The following MCM6 variants were observed in gnomAD, a reference collection of about 807,000 sequenced individuals.
MCM6 encodes the protein minichromosome maintenance complex component 6.
In MCM6, 46 loss-of-function variants were observed where a neutral mutation model predicts 94.3. The observed-to-expected ratio is 0.49, with a 90% CI of 0.39 to 0.62. The LOEUF is 0.62. MCM6 is among the 20% of genes least tolerant of loss of function. The pLI is 0.00. For missense variants in MCM6, 865 were observed against 1,017.9 expected, an observed-to-expected ratio of 0.85 and a Z score of 2.04; for synonymous variants, 335 against 351.9, an observed-to-expected ratio of 0.95 and a Z score of 0.54.
rs780361153 is a variant in MCM6, at chr2:135,866,735, T to C, written c.616-7A>G. 1 of 1,590,290 alleles carries C rather than the reference T, an allele frequency of 6.3e-7. No homozygotes were observed. The highest frequency in any genetic ancestry group is 1.2e-5 in the South Asian group (1 of 86,870). On this transcript the variant is annotated splice_polypyrimidine_tract_variant and splice_region_variant and intron_variant, in intron 4 of 16. Transcript: ENST00000264156. Reference sequence around the variant, plus strand: ...GGGTCTCTTGAATACGAACCTGTAATACAGACAAACAACCAACCAAGAATG... The same window carrying C: ...GGGTCTCTTGAATACGAACCTGTAACACAGACAAACAACCAACCAAGAATG...
intron 15 of MCM6, among the ~76,000 whole-genome samples, chr2:135,845,933 T>A (rs1028457632): frequency 6.6e-6 from 1 of 152,234 alleles, no homozygotes; most frequent in Admixed American, 6.5e-5. Context: ...ATAGTAATTT[T>A]GCATTTGTAA....
Position 135,876,417 on chromosome 2 carries a change from G to C in MCM6, c.-52C>G, listed in dbSNP as rs755878298. ...GCGCCACGCTCGACCGCCACAAGTC[G>C]CTTTTTTCCAGACGCTGCAGCTTTG... On this transcript the variant is annotated 5_prime_UTR_variant, in exon 1 of 17. Transcript: ENST00000264156. The C allele has an allele frequency of 6.7e-7, 1 of 1,486,276 alleles. No individual in the cohort carries two copies. The highest frequency in any genetic ancestry group is 9.1e-7 in the Non-Finnish European group (1 of 1,104,156). 92.1% of individuals were successfully genotyped at this position (1,486,276 alleles called of 1,614,324 possible). A position where few individuals can be genotyped will look rare whatever the true frequency, so the allele number is the denominator to read the frequency against.
In MCM6 at chr2:135,872,723, G is replaced by A. The variant is rs1206810732; in HGVS notation, c.228C>T (p.Ser76=). 1.9e-6 allele frequency: 3 copies of A among 1,614,016 alleles called. No individual in the cohort carries two copies. The highest frequency in any genetic ancestry group is 1.3e-5 in the African/African-American group (1 of 74,900). ...TATAGAACTCCTCTTGAATGGTGGTGGAAAGTTGCTGGTTAAATTGTTCCA... is the reference window on the plus strand; with the variant it reads ...TATAGAACTCCTCTTGAATGGTGGTAGAAAGTTGCTGGTTAAATTGTTCCA... ...VDLEQFNQQL[S]TTIQEEFYRV... The change falls in exon 2 of 17, where the codon TCC becomes TCT. Residue 76 remains serine, a synonymous_variant. Transcript: ENST00000264156.
At chr2:135,866,365 C>T (rs766411680) in intron 5 of MCM6, 88 bp from the exon 6 acceptor site, 2 of 1,510,694 alleles carry the variant, frequency 1.3e-6, no homozygotes, top group Non-Finnish European at 9.1e-7. Flanking sequence ...GCTATAAATC[C>T]AAAGACTTCA....
intron 1 of MCM6, among the ~76,000 whole-genome samples, chr2:135,875,908 C>G (rs1286070325): frequency 6.6e-6 from 1 of 152,270 alleles, no homozygotes; most frequent in Non-Finnish European, 1.5e-5. Context: ...TGGCCGCACC[C>G]AGCGGCCCAG....
rs768367743 is a variant in MCM6, at chr2:135,868,734, C to T, written c.492G>A (p.Val164=). 6.2e-7 allele frequency: 1 copy of T among 1,614,196 alleles called. No homozygotes were observed. The stretch of plus-strand genomic sequence containing the variant: ...TGAACTGCTGTTCTACATCCCTGAT[C>T]ACTGTCTGACAGTCCAAGCACAGAA... ...GTFLCLDCQT[V]IRDVEQQFKY... The change falls in exon 4 of 17, where the codon GTG becomes GTA. Residue 164 remains valine (V), a synonymous_variant. Transcript: ENST00000264156.
intron 10 of MCM6, 134 bp from the exon 11 acceptor site, chr2:135,857,017 G>A (rs942205491): frequency 1.4e-6 from 1 of 731,196 alleles, no homozygotes; most frequent in Non-Finnish European, 2.2e-6. Context: ...CACATAAACA[G>A]GAACTCCTAT....
At chr2:135,857,294 A>G (rs1679909487) in intron 10 of MCM6, among the ~76,000 whole-genome samples, 3 of 152,234 alleles carry the variant, frequency 2.0e-5, no homozygotes, top group African/African-American at 7.2e-5. Context: ...AAAATTATGA[A>G]GTTAAACCAG....
At position 135,840,634 on chromosome 2, in the gene MCM6, G is replaced by T. The variant is rs1679551235; in HGVS notation, c.*201C>A. The T allele has an allele frequency of 5.6e-6, 3 of 535,218 alleles. No individual in the cohort carries two copies. Among genetic ancestry groups the T allele is most frequent in the Non-Finnish European group, 6.7e-6 (2 of 298,442 alleles). 33.2% of individuals were successfully genotyped at this position (535,218 alleles called of 1,614,324 possible). On this transcript the variant is annotated 3_prime_UTR_variant, in exon 17 of 17. Coordinates refer to ENST00000264156, the MANE Select transcript of MCM6 (RefSeq NM_005915.6). ...CACTGGGACAGGAAACACACCAAAG[G>T]AAGTGCTGAAGCCTGTGTTGGTATG...
At position 135,846,222 on chromosome 2, in the gene MCM6, C is replaced by G; in HGVS notation, c.2209+15G>C. ...GAAGTGACCGAGCATGTAAGCAGTACCAGGTAAGCCTCACCTTCTTCCACC... is the reference window on the plus strand; with the variant it reads ...GAAGTGACCGAGCATGTAAGCAGTAGCAGGTAAGCCTCACCTTCTTCCACC... On this transcript the variant is annotated intron_variant, in intron 15 of 16. Coordinates refer to ENST00000264156, the MANE Select transcript of MCM6 (RefSeq NM_005915.6). 1 of 1,613,138 alleles carries G rather than the reference C, an allele frequency of 6.2e-7. No homozygotes were observed. Among genetic ancestry groups the G allele is most frequent in the Non-Finnish European group, 8.5e-7 (1 of 1,179,574 alleles).
At chr2:135,862,363 T>TAAA (rs1220530608) in intron 8 of MCM6, among the ~76,000 whole-genome samples, 1 of 144,460 alleles carries the variant, frequency 6.9e-6, no homozygotes, top group South Asian at 2.2e-4. Flanking sequence ...TATACAAATA[T>TAAA]ATTTTACAAA....
At chr2:135,866,507 T>C (rs1680097197) in intron 5 of MCM6, 56 bp downstream of exon 5, 1 of 1,544,156 alleles carries the variant, frequency 6.5e-7, no homozygotes, top group Non-Finnish European at 8.8e-7. Flanking sequence ...GGAAGCTAGA[T>C]ACTGTGCAGT....
At chr2:135,863,832 C>T (rs565907978) in intron 7 of MCM6, among the ~76,000 whole-genome samples, 7 of 152,128 alleles carry the variant, frequency 4.6e-5, no homozygotes, top group African/African-American at 9.6e-5. Context: ...AAAAAAGGGC[C>T]GGATGCAGTG....
chr2:135,847,421 T>C (rs1258244031), intron 14 of MCM6, among the ~76,000 whole-genome samples: 1 of 152,120 alleles, frequency 6.6e-6, no homozygotes, highest in Non-Finnish European at 1.5e-5. Flanking sequence ...TCAAAATAAA[T>C]AAAATTTCTA....
chr2:135,861,297 G>A (rs1405202168), intron 8 of MCM6, among the ~76,000 whole-genome samples: 1 of 152,004 alleles, frequency 6.6e-6, no homozygotes, highest in Admixed American at 6.6e-5. Context: ...ATGGCTCGGT[G>A]TCACCTTTCA....
At chr2:135,853,985 G>A (rs961334066) in intron 11 of MCM6, among the ~76,000 whole-genome samples, 3 of 152,190 alleles carry the variant, frequency 2.0e-5, no homozygotes, top group Non-Finnish European at 4.4e-5. Flanking sequence ...CTAGCACTTT[G>A]AGAGGCCAAG....
At chr2:135,858,725 CT>C (rs1452893916) in intron 9 of MCM6, among the ~76,000 whole-genome samples, 6 of 152,156 alleles carry the variant, frequency 3.9e-5, no homozygotes, top group African/African-American at 1.4e-4. Flanking sequence ...ACATCAAAAC[CT>C]TGTGTCAACT....
chr2:135,871,705 G>A (rs781494089), intron 2 of MCM6, among the ~76,000 whole-genome samples: 1 of 152,168 alleles, frequency 6.6e-6, no homozygotes, highest in African/African-American at 2.4e-5. Flanking sequence ...GGAGCTATTA[G>A]TATGAGTTTA....
rs1679542857 is a variant in MCM6, at chr2:135,840,201, G to A, written c.*634C>T. The A allele has an allele frequency of 7.0e-6, 1 of 141,998 alleles. No homozygotes were observed. The highest frequency in any genetic ancestry group is 1.5e-5 in the Non-Finnish European group (1 of 66,312). 8.8% of individuals were successfully genotyped at this position (141,998 alleles called of 1,614,324 possible). A position where few individuals can be genotyped will look rare whatever the true frequency, so the allele number is the denominator to read the frequency against. The stretch of plus-strand genomic sequence containing the variant: ...ATTACTAAAGAGTAATTTTAAAAAA[G>A]TATAATAAACTTTTATAAACTTAAA... On this transcript the variant is annotated 3_prime_UTR_variant, in exon 17 of 17. Coordinates refer to ENST00000264156, the MANE Select transcript of MCM6 (RefSeq NM_005915.6).
Sources: allele counts gnomAD v4.1 joint callset (sites outside exome capture counted in the v4.1 genomes callset), GRCh38; gene constraint gnomAD v4.1.1; transcripts MANE v1.5; gene names NCBI Gene and HGNC (gene_info 2026-07-23, HGNC 2026-07-21).